TMEM233: variants seen among roughly 807,000 people sequenced by gnomAD.
TMEM233 encodes the protein transmembrane protein 233, also known as dispanin subfamily B member 2.
Under a neutral mutation model 11.2 loss-of-function variants are expected in TMEM233, and 6 were observed. The observed-to-expected ratio is 0.54, with a 90% confidence interval of 0.29 to 1.06. The LOEUF (loss-of-function observed/expected upper bound fraction) is 1.06. Ranked by LOEUF, TMEM233 falls within the 50% of genes least tolerant of loss-of-function variation. The pLI is 0.08. For synonymous variants in TMEM233, 59 were observed against 55.8 expected (o/e 1.06, Z -0.26); for missense variants, 127 against 144.7 (o/e 0.88, Z 0.63).
chr12:119,651,825 CAAAAAAAAAAAAAA>C, the TMEM233 span, among the ~76,000 whole-genome samples: 2 of 79,420 alleles, frequency 2.5e-5, no homozygotes, highest in Non-Finnish European at 4.5e-5. Context: ...GACTCCGTCT[CAAAAAAAAAAAAAA>C]AAAAAAAAAA....
At chr12:119,613,717 A>T (rs1954460455) in intron 1 of TMEM233, among the ~76,000 whole-genome samples, 1 of 152,204 alleles carries the variant, frequency 6.6e-6, no homozygotes, top group African/African-American at 2.4e-5. Context: ...CTGGAGGCTG[A>T]GGCTGGAGAA....
At chr12:119,601,472 C>T (rs1280438760) in intron 1 of TMEM233, among the ~76,000 whole-genome samples, 1 of 151,794 alleles carries the variant, frequency 6.6e-6, no homozygotes, top group Non-Finnish European at 1.5e-5. Context: ...CTGGCTAACA[C>T]GGTGAAACCC....
the TMEM233 span, among the ~76,000 whole-genome samples, chr12:119,650,844 T>C: frequency 6.6e-6 from 1 of 152,224 alleles, no homozygotes; most frequent in Non-Finnish European, 1.5e-5. Context: ...GGTTTTGCCA[T>C]GTTGGCCAGG....
At chr12:119,629,949 T>C in intron 2 of TMEM233, 77 bp downstream of exon 2, 1 of 1,442,718 alleles carries the variant, frequency 6.9e-7, no homozygotes, top group Non-Finnish European at 9.2e-7. Flanking sequence ...TAGGGTAGAT[T>C]AGGTTATGCT....
chr12:119,608,223 CT>C (rs2136697148), intron 1 of TMEM233, among the ~76,000 whole-genome samples: 1 of 152,262 alleles, frequency 6.6e-6, no homozygotes, highest in East Asian at 1.9e-4. Context: ...TTGGATCTAT[CT>C]CCCAGCCAGA....
At chr12:119,597,589 T>C (rs1954072624) in intron 1 of TMEM233, among the ~76,000 whole-genome samples, 1 of 152,182 alleles carries the variant, frequency 6.6e-6, no homozygotes, top group South Asian at 2.1e-4. Context: ...GAAAACTACT[T>C]TGGAAAAATA....
At chr12:119,620,039 A>C (rs1954610519) in intron 1 of TMEM233, among the ~76,000 whole-genome samples, 1 of 152,216 alleles carries the variant, frequency 6.6e-6, no homozygotes, top group South Asian at 2.1e-4. Flanking sequence ...TTGTTAATTC[A>C]ACACATACTT....
rs1954589010 is a variant in TMEM233, at chr12:119,618,868, T to A, written c.187-10868T>A. On this transcript the variant is annotated intron_variant, in intron 1 of 2. Coordinates refer to ENST00000426426, the MANE Select transcript of TMEM233 (RefSeq NM_001136534.3). ...GGAATGAGCTGAGACTTAGGGGGAC[T>A]GTTGGAAAGGCATGATTTTGTCTTG... Among the ~76,000 whole-genome samples, 3 of 152,316 alleles carry A rather than the reference T, an allele frequency of 2.0e-5. No individual in the cohort carries two copies. The South Asian group carries it at 6.2e-4, about 32-fold the overall frequency.
chr12:119,628,328 T>C (rs1389968928), intron 1 of TMEM233, among the ~76,000 whole-genome samples: 1 of 151,442 alleles, frequency 6.6e-6, no homozygotes, highest in Non-Finnish European at 1.5e-5. Flanking sequence ...CCCGGCTAAT[T>C]TTTTGTATTT....
In TMEM233 at chr12:119,627,419, T is replaced by C. The variant is rs145626551; in HGVS notation, c.187-2317T>C. The stretch of plus-strand genomic sequence containing the variant: ...AAAGAAAGGAGGTTTGTTTGGTGCA[T>C]GGTTCTGCAGGCTAAACAAACATGG... On this transcript the variant is annotated intron_variant, in intron 1 of 2. Coordinates refer to ENST00000426426, the MANE Select transcript of TMEM233 (RefSeq NM_001136534.3). Among the ~76,000 whole-genome samples the C allele has an allele frequency of 2.2e-3, 328 of 152,338 alleles. 1 individual carries two copies. Among genetic ancestry groups the C allele is most frequent in the African/African-American group, 7.3e-3 (305 of 41,580 alleles).
intron 1 of TMEM233, among the ~76,000 whole-genome samples, chr12:119,606,839 A>C (rs1954290991): frequency 6.6e-6 from 1 of 152,244 alleles, no homozygotes; most frequent in African/African-American, 2.4e-5. Flanking sequence ...TGTAAAAGAG[A>C]CATAAATATT....
At chr12:119,618,669 G>A (rs756237157) in intron 1 of TMEM233, among the ~76,000 whole-genome samples, 2 of 152,202 alleles carry the variant, frequency 1.3e-5, no homozygotes. Context: ...GGGGCCTGTA[G>A]CCACTTTGTT....
intron 1 of TMEM233, among the ~76,000 whole-genome samples, chr12:119,618,703 A>G (rs1196010419): frequency 1.3e-5 from 2 of 152,250 alleles, no homozygotes; most frequent in Admixed American, 6.5e-5. Context: ...CCCTTGTGGA[A>G]CAGATGTATT....
intron 1 of TMEM233, among the ~76,000 whole-genome samples, chr12:119,599,867 G>T (rs1258912717): frequency 6.6e-6 from 1 of 152,096 alleles, no homozygotes; most frequent in African/African-American, 2.4e-5. Context: ...TGGACACCAG[G>T]CACAGCTGAG....
At chr12:119,615,507 A>G (rs928309017) in intron 1 of TMEM233, among the ~76,000 whole-genome samples, 1 of 152,212 alleles carries the variant, frequency 6.6e-6, no homozygotes, top group African/African-American at 2.4e-5. Context: ...TGGTTTGGGA[A>G]GGAACTTGGG....
intron 1 of TMEM233, among the ~76,000 whole-genome samples, chr12:119,604,359 C>T (rs1954223690): frequency 6.6e-6 from 1 of 152,216 alleles, no homozygotes; most frequent in Admixed American, 6.5e-5. Flanking sequence ...TGGCAAACCC[C>T]TGTGCATTAT....
At chr12:119,600,111 T>C (rs957445594) in intron 1 of TMEM233, among the ~76,000 whole-genome samples, 7 of 151,232 alleles carry the variant, frequency 4.6e-5, no homozygotes, top group African/African-American at 1.7e-4. Context: ...CTTTTCAGTG[T>C]CTCACTTTCA....
intron 1 of TMEM233, among the ~76,000 whole-genome samples, chr12:119,610,231 G>A (rs1249791443): frequency 1.3e-5 from 2 of 152,216 alleles, no homozygotes; most frequent in South Asian, 4.1e-4. Flanking sequence ...TAGAATGGGT[G>A]TATTTACCCA....
At chr12:119,609,901 G>C (rs554386313) in intron 1 of TMEM233, among the ~76,000 whole-genome samples, 6 of 152,352 alleles carry the variant, frequency 3.9e-5, no homozygotes, top group African/African-American at 1.4e-4. Context: ...CCCCATGGGG[G>C]CACTGCCTAG....
Sources: gnomAD v4.1 joint callset for allele counts (sites outside exome capture counted in the v4.1 genomes callset) on GRCh38, gnomAD v4.1.1 for gene constraint, MANE v1.5 for transcripts, NCBI Gene and HGNC (gene_info 2026-07-23, HGNC 2026-07-21) for gene names.